Variants in TRIO observed in about 807,000 individuals in gnomAD.
The protein encoded by TRIO is trio Rho guanine nucleotide exchange factor.
In TRIO, 58 loss-of-function variants were observed where a neutral mutation model predicts 351.9. The ratio of observed to expected loss-of-function variants is 0.16; its 90% confidence interval spans 0.13 to 0.21. The LOEUF is 0.21. Among genes scored for constraint, TRIO ranks in the 10% least tolerant of loss-of-function variants. TRIO has a pLI of 1.00. For missense variants in TRIO, 3,201 were observed against 4,027.8 expected (o/e 0.79, Z 5.56); for synonymous variants, 1,758 against 1,595.7 (o/e 1.10, Z -2.42).
chr5:14,500,909 AAAAACAC>A (rs1757244735), intron 53 of TRIO, among the ~76,000 whole-genome samples: 1 of 151,158 alleles, frequency 6.6e-6, no homozygotes, highest in African/African-American at 2.4e-5. Context: ...AAAAAAAAAA[AAAAACAC>A]ACAGGGAAAA....
chr5:14,315,245 G>GC (rs1447955604), intron 8 of TRIO, among the ~76,000 whole-genome samples: 1 of 149,128 alleles, frequency 6.7e-6, no homozygotes, highest in Non-Finnish European at 1.5e-5. Flanking sequence ...CCCTGAACTT[G>GC]CTCCTCTTTT....
At chr5:14,506,323 C>T (rs1757681759) in intron 55 of TRIO, among the ~76,000 whole-genome samples, 2 of 152,142 alleles carry the variant, frequency 1.3e-5, no homozygotes, top group African/African-American at 4.8e-5. Context: ...CTGTTCTCAC[C>T]GGCGACTCCC....
chr5:14,257,175 C>T (rs1024539717), intron 1 of TRIO, among the ~76,000 whole-genome samples: 4 of 152,348 alleles, frequency 2.6e-5, no homozygotes, highest in East Asian at 1.9e-4. Context: ...GCTGTCCAGT[C>T]GCGGCTTTCC....
chr5:14,486,594 CATT>C (rs1419386002), intron 47 of TRIO, among the ~76,000 whole-genome samples: 6 of 152,166 alleles, frequency 3.9e-5, no homozygotes, highest in African/African-American at 7.2e-5. Context: ...AAATTTTCAT[CATT>C]GTCTTTAAAA....
At chr5:14,334,782 G>A (rs1741241864) in intron 10 of TRIO, among the ~76,000 whole-genome samples, 1 of 152,228 alleles carries the variant, frequency 6.6e-6, no homozygotes, top group East Asian at 1.9e-4. Context: ...TTCTTCCCTG[G>A]AAGGAAGCCA....
chr5:14,250,963 A>G (rs941119809), intron 1 of TRIO, among the ~76,000 whole-genome samples: 1 of 152,154 alleles, frequency 6.6e-6, no homozygotes, highest in African/African-American at 2.4e-5. Context: ...AGGCCCTTCC[A>G]TGTCAGAAAA....
At chr5:14,464,533 C>A (rs370629490) in intron 36 of TRIO, among the ~76,000 whole-genome samples, 5 of 152,150 alleles carry the variant, frequency 3.3e-5, no homozygotes, top group Non-Finnish European at 7.4e-5. Flanking sequence ...TGTTCTGTGT[C>A]TGTTTTGGCT....
chr5:14,367,043 C>G, intron 16 of TRIO, 64 bp downstream of exon 16: 2 of 1,600,182 alleles, frequency 1.2e-6, no homozygotes, highest in Admixed American at 1.7e-5. Context: ...ATCCTGAATC[C>G]CCCAACATGG....
intron 1 of TRIO, among the ~76,000 whole-genome samples, chr5:14,162,005 C>T (rs754893837): frequency 2.0e-5 from 3 of 152,144 alleles, no homozygotes; most frequent in Non-Finnish European, 4.4e-5. Context: ...AGGTGTGAAC[C>T]GCCATGCCTG....
At chr5:14,432,608 CT>C (rs1176689976) in intron 34 of TRIO, among the ~76,000 whole-genome samples, 5 of 152,270 alleles carry the variant, frequency 3.3e-5, no homozygotes, top group East Asian at 1.9e-4. Flanking sequence ...TAATGGAAAT[CT>C]TTTTTTCATC....
At chr5:14,294,010 T>TAAA (rs113119352) in intron 6 of TRIO, among the ~76,000 whole-genome samples, 19 of 59,856 alleles carry the variant, frequency 3.2e-4, no homozygotes, top group South Asian at 2.5e-3. Context: ...ACCCCATCTC[T>TAAA]AAAAAAAAAA....
rs571910650 is a variant in TRIO, at chr5:14,259,130, C to T, written c.158-11695C>T. 1.6e-4 allele frequency among the ~76,000 whole-genome samples: 25 copies of T among 152,296 alleles called. 1 individual carries two copies. The South Asian group carries it at 4.6e-3, about 28-fold the overall frequency. The stretch of plus-strand genomic sequence containing the variant: ...TCCTGGAGGGTCCTCACGCCTCCAG[C>T]GGTCACTTTCGGTTTTAGTGTGTGT... On this transcript the variant is annotated intron_variant, in intron 1 of 56. Transcript: ENST00000344204.
At chr5:14,306,349 C>T (rs774156) in intron 8 of TRIO, among the ~76,000 whole-genome samples, 14,236 of 152,202 alleles carry the variant, frequency 0.094, 1,098 homozygotes, top group African/African-American at 0.21. Context: ...AAGTGATAGC[C>T]TTTTCTATAG....
chr5:14,294,948 T>C (rs916905732), intron 6 of TRIO, among the ~76,000 whole-genome samples: 2 of 152,170 alleles, frequency 1.3e-5, no homozygotes, highest in Admixed American at 6.6e-5. Context: ...CGAATATATT[T>C]TCTAATTTTC....
At chr5:14,466,731 C>A (rs149089350) in intron 37 of TRIO, among the ~76,000 whole-genome samples, 14 of 152,332 alleles carry the variant, frequency 9.2e-5, no homozygotes, top group African/African-American at 3.1e-4. Context: ...TCCCTCCAGA[C>A]GTTTTCCTTG....
intron 1 of TRIO, among the ~76,000 whole-genome samples, chr5:14,152,957 G>C (rs1423362675): frequency 3.9e-5 from 6 of 152,228 alleles, no homozygotes; most frequent in African/African-American, 1.4e-4. Context: ...TTTAATTGCA[G>C]AATTTGCAGG....
intron 11 of TRIO, among the ~76,000 whole-genome samples, chr5:14,353,108 G>T (rs1316143539): frequency 6.6e-6 from 1 of 152,108 alleles, no homozygotes; most frequent in African/African-American, 2.4e-5. Flanking sequence ...CAATTGGTAG[G>T]AACCCGAATG....
At chr5:14,254,295 T>G (rs372571357) in intron 1 of TRIO, among the ~76,000 whole-genome samples, 10 of 149,590 alleles carry the variant, frequency 6.7e-5, no homozygotes, top group African/African-American at 2.5e-4. Flanking sequence ...GCAATTCCCC[T>G]GCCTCAACCT....
chr5:14,473,525 CA>C (rs1244067652), intron 39 of TRIO, among the ~76,000 whole-genome samples: 3 of 152,258 alleles, frequency 2.0e-5, no homozygotes, highest in African/African-American at 7.2e-5. Flanking sequence ...ATTTTAGCAG[CA>C]TATTCAATCA....
Sources: gnomAD v4.1 joint callset for allele counts (sites outside exome capture counted in the v4.1 genomes callset) on GRCh38, gnomAD v4.1.1 for gene constraint, MANE v1.5 for transcripts, NCBI Gene and HGNC (gene_info 2026-07-23, HGNC 2026-07-21) for gene names.